CAND2: variants seen among roughly 807,000 people sequenced by gnomAD.
The protein encoded by CAND2 is cullin-associated NEDD8-dissociated protein 2.
CAND2 carries 62 observed loss-of-function variants against 98.9 expected under a neutral mutation model. The ratio of observed to expected loss-of-function variants is 0.63; its 90% CI spans 0.51 to 0.77. The LOEUF is 0.77. Among genes scored for constraint, CAND2 ranks in the 30% least tolerant of loss-of-function variants. CAND2 has a pLI of 0.00. For synonymous variants in CAND2, 770 were observed against 731.9 expected, an observed-to-expected ratio of 1.05 and a Z score of -0.84; for missense variants, 1,501 against 1,655.2, an observed-to-expected ratio of 0.91 and a Z score of 1.62.
chr3:12,805,003 C>T (rs2061795599), intron 2 of CAND2, among the ~76,000 whole-genome samples: 2 of 152,172 alleles, frequency 1.3e-5, no homozygotes, highest in African/African-American at 4.8e-5. Context: ...GTTTGTAATA[C>T]CGTTTCCTAT....
rs1179717442 is a variant in CAND2, at chr3:12,815,494, G to A, written c.1299+61G>A. 6.7e-7 allele frequency: 1 copy of A among 1,498,824 alleles called. No individual in the cohort carries two copies. The highest frequency in any genetic ancestry group is 2.3e-5 in the East Asian group (1 of 43,248). 92.8% of individuals were successfully genotyped at this position (1,498,824 alleles called of 1,614,324 possible). ...TTGCCTACCCAGCCACTCACTGTTAGTGTCCCTGGACTTGGAAACTCAGCT... is the reference window on the plus strand; with the variant it reads ...TTGCCTACCCAGCCACTCACTGTTAATGTCCCTGGACTTGGAAACTCAGCT... On this transcript the variant is annotated intron_variant, in intron 8 of 14. Coordinates refer to ENST00000456430, the MANE Select transcript of CAND2 (RefSeq NM_001162499.2). The surrounding 1 kb of genome is among the most constrained non-coding windows in gnomAD (Gnocchi z 5.7).
At position 12,834,099 on chromosome 3, in the gene CAND2, G is replaced by C; in HGVS notation, c.*117G>C. 1 of 807,562 alleles carries C rather than the reference G, an allele frequency of 1.2e-6. No homozygotes were observed. The highest frequency in any genetic ancestry group is 2.0e-6 in the Non-Finnish European group (1 of 502,170). The allele number at this position is 807,562 out of a possible 1,614,324, so 50.0% of individuals were successfully genotyped here. A position where few individuals can be genotyped will look rare whatever the true frequency, so the allele number is the denominator to read the frequency against. ...TTGCCCTTCCACCATCTCACTGGGG[G>C]CCCTGTCGCTCCTGGTCAGGGCTTA... On this transcript the variant is annotated 3_prime_UTR_variant, in exon 15 of 15. Coordinates refer to ENST00000456430, the MANE Select transcript of CAND2 (RefSeq NM_001162499.2).
chr3:12,816,402 C>A lies in CAND2; in HGVS notation c.1470C>A (p.Ser490=). The A allele has an allele frequency of 6.2e-7, 1 of 1,613,252 alleles. No individual in the cohort carries two copies. Among genetic ancestry groups the A allele is most frequent in the East Asian group, 2.2e-5 (1 of 44,884 alleles). Residue 490 remains serine (S), a synonymous_variant, in exon 10 of 15, where the codon TCC becomes TCA. Coordinates refer to ENST00000456430, the MANE Select transcript of CAND2 (RefSeq NM_001162499.2). ...TCATCTTCTCGCTGGCCGACCGCTC[C>A]AGCTCCTCCACCATCCGGATGGATG... is the stretch of plus-strand genomic sequence containing the variant. ...SGIIFSLADR[S]SSSTIRMDAL... is the part of the protein sequence containing the mutation.
Position 12,816,596 on chromosome 3 carries a change from T to A in CAND2, c.1664T>A (p.Leu555Gln), listed in dbSNP as rs780331728. The change falls in exon 10 of 15, where the codon CTG becomes CAG. Residue 555 changes from leucine (L) to glutamine (Q), a missense_variant. Transcript: ENST00000456430. ...LQELVRALWP[L>Q]HRPRMLDPEP... ...GAGCTGGTGCGGGCCCTGTGGCCGC[T>A]GCACAGGCCTCGGATGCTGGATCCT... 6.2e-7 allele frequency: 1 copy of A among 1,613,744 alleles called. No homozygotes were observed. Among genetic ancestry groups the A allele is most frequent in the Admixed American group, 1.7e-5 (1 of 60,006 alleles).
chr3:12,813,225 A>T (rs375644389), intron 6 of CAND2, 21 bp from the exon 7 acceptor site: 61 of 1,611,576 alleles, frequency 3.8e-5, no homozygotes, highest in Middle Eastern at 3.8e-4. Flanking sequence ...CCAGCAAAGC[A>T]TTCCTCATCC....
In CAND2 at chr3:12,807,383, C is replaced by T. The variant is rs1326393241; in HGVS notation, c.290C>T (p.Ser97Leu). ...GACACCCTGTGCACCAACATGCGGT[C>T]AGACAAGGAGCAGCTGCGAGACATT... is the stretch of plus-strand genomic sequence containing the variant. ...IVDTLCTNMR[S>L]DKEQLRDIAG... Residue 97 changes from serine to leucine, a missense_variant, in exon 3 of 15, where the codon TCA (serine) becomes TTA (leucine). Physicochemically the swap from Ser to Leu is moderately radical, Grantham distance 145. This residue lies in a region of CAND2 where 1,427 missense variants were observed against 1,545.3 expected (regional missense o/e 0.92). Coordinates refer to ENST00000456430, the MANE Select transcript of CAND2 (RefSeq NM_001162499.2). The T allele has an allele frequency of 3.9e-6, 6 of 1,551,648 alleles. No homozygotes were observed. Among genetic ancestry groups the T allele is most frequent in the Non-Finnish European group, 5.2e-6 (6 of 1,147,008 alleles).
In CAND2 at chr3:12,827,577, C is replaced by T. The variant is rs754832586; in HGVS notation, c.3348C>T (p.Asp1116=). ...DICEFLNHVE[D]GLKDHYDIRM... is the part of the protein sequence containing the mutation. ...GTGAGTTCCTGAACCATGTGGAGGA[C>T]GGGCTGAAGGACCACTACGACATCC... Residue 1116 remains aspartate, a synonymous_variant, in exon 13 of 15, where the codon GAC becomes GAT. Coordinates refer to ENST00000456430, the MANE Select transcript of CAND2 (RefSeq NM_001162499.2). 36 of 1,613,022 alleles carry T rather than the reference C, an allele frequency of 2.2e-5. 1 individual carries two copies. Among genetic ancestry groups the T allele is most frequent in the South Asian group, 1.9e-4 (17 of 90,952 alleles).
At position 12,816,906 on chromosome 3, in the gene CAND2, C is replaced by T. The variant is rs775926589; in HGVS notation, c.1974C>T (p.Ala658=). Residue 658 remains alanine (A), a synonymous_variant, in exon 10 of 15, where the codon GCC becomes GCT. Transcript: ENST00000456430. ...PILAEALHIL[A]SFLRKNQRAL... ...TGGCCGAGGCACTGCACATTCTGGC[C>T]TCATTCCTGCGGAAGAACCAGCGGG... 1.2e-6 allele frequency: 2 copies of T among 1,613,898 alleles called. No homozygotes were observed. The highest frequency in any genetic ancestry group is 3.3e-4 in the Middle Eastern group (2 of 6,062).
chr3:12,819,114 C>G (rs1274108730), intron 10 of CAND2, among the ~76,000 whole-genome samples: 1 of 152,186 alleles, frequency 6.6e-6, no homozygotes, highest in Non-Finnish European at 1.5e-5. Context: ...TCCCTGCCTT[C>G]AGTCGTCCTT....
At chr3:12,812,730 A>G (rs1302712181) in intron 5 of CAND2, among the ~76,000 whole-genome samples, 2 of 152,090 alleles carry the variant, frequency 1.3e-5, no homozygotes, top group Non-Finnish European at 2.9e-5. Context: ...TCTTCACAAA[A>G]TCTCTGCCCA....
chr3:12,809,972 G>T (rs1252586942), intron 4 of CAND2, 87 bp from the exon 5 acceptor site: 1 of 1,368,940 alleles, frequency 7.3e-7, no homozygotes, highest in Non-Finnish European at 9.5e-7. Context: ...CTGGGAAGGA[G>T]GCCGGGAGAG....
chr3:12,819,789 A>G (rs2124860924), intron 10 of CAND2, among the ~76,000 whole-genome samples: 1 of 152,338 alleles, frequency 6.6e-6, no homozygotes, highest in East Asian at 1.9e-4. Context: ...GAAAAATCCC[A>G]AGGCCTGAGG....
intron 11 of CAND2, among the ~76,000 whole-genome samples, chr3:12,825,197 C>G (rs931306871): frequency 1.3e-5 from 2 of 151,844 alleles, no homozygotes; most frequent in Non-Finnish European, 2.9e-5. Context: ...TCTGTTACGA[C>G]TCCCATTTTA....
chr3:12,797,439 A>G (rs929355354), intron 1 of CAND2, among the ~76,000 whole-genome samples: 1 of 151,798 alleles, frequency 6.6e-6, no homozygotes, highest in Non-Finnish European at 1.5e-5. Flanking sequence ...AGTCACAGGT[A>G]GGTGATGGTT....
chr3:12,812,950 A>G (rs140846619), intron 5 of CAND2, 40 bp from the exon 6 acceptor site: 312 of 1,293,348 alleles, frequency 2.4e-4, no homozygotes, highest in Non-Finnish European at 3.2e-4. Context: ...ACTCCGGGAG[A>G]GTGTCTGGCT....
At chr3:12,804,862 G>C (rs181655984) in intron 2 of CAND2, among the ~76,000 whole-genome samples, 13 of 152,332 alleles carry the variant, frequency 8.5e-5, no homozygotes, top group Non-Finnish European at 1.6e-4. Flanking sequence ...AGAGCAGAGA[G>C]AATTCAGTAA....
At chr3:12,806,214 A>G (rs113727769) in intron 2 of CAND2, among the ~76,000 whole-genome samples, 26 of 152,310 alleles carry the variant, frequency 1.7e-4, no homozygotes, top group African/African-American at 6.0e-4. Context: ...TCATCTGTGT[A>G]GGAGGATCGC....
At chr3:12,800,118 G>A (rs2061755239) in intron 1 of CAND2, among the ~76,000 whole-genome samples, 1 of 152,202 alleles carries the variant, frequency 6.6e-6, no homozygotes, top group African/African-American at 2.4e-5. Flanking sequence ...GCCTTGGCCT[G>A]GCTCAAATCC....
In CAND2 at chr3:12,816,967, C is replaced by T; in HGVS notation, c.2035C>T (p.Leu679=). The T allele has an allele frequency of 6.2e-7, 1 of 1,613,186 alleles. No individual in the cohort carries two copies. The highest frequency in any genetic ancestry group is 1.6e-4 in the Middle Eastern group (1 of 6,062). Residue 679 remains leucine (L), a synonymous_variant, in exon 10 of 15, where the codon CTG becomes TTG. Transcript: ENST00000456430. ...RLATLAALDA[L]AQSQGLSLPP... ...GGCCACACTGGCAGCCCTGGACGCC[C>T]TGGCCCAGAGCCAGGGCCTCAGCCT...
Sources: allele counts gnomAD v4.1 joint callset (sites outside exome capture counted in the v4.1 genomes callset), GRCh38; gene constraint gnomAD v4.1.1; regional missense constraint gnomAD v4.1.1; non-coding constraint Gnocchi (gnomAD v3.1); transcripts MANE v1.5; gene names NCBI Gene and HGNC (gene_info 2026-07-23, HGNC 2026-07-21).